The following KCNN2 variants were observed in gnomAD, a reference collection of about 807,000 sequenced individuals.
KCNN2 encodes the protein potassium calcium-activated channel subfamily N member 2.
A neutral mutation model predicts 55.5 loss-of-function variants in KCNN2; 24 were observed. That is an observed-to-expected ratio of 0.43 (90% confidence interval 0.31 to 0.61). The LOEUF is 0.61. Among genes scored for constraint, KCNN2 ranks in the 20% least tolerant of loss-of-function variants. KCNN2 has a pLI of 0.08. For synonymous variants in KCNN2, 431 were observed against 336.1 expected, an observed-to-expected ratio of 1.28 and a Z score of -3.09; for missense variants, 754 against 853.6, an observed-to-expected ratio of 0.88 and a Z score of 1.45.
intron 1 of KCNN2, among the ~76,000 whole-genome samples, chr5:114,078,834 C>G (rs904441464): frequency 2.6e-5 from 4 of 152,184 alleles, no homozygotes; most frequent in African/African-American, 9.7e-5. Flanking sequence ...GGAATCTAAA[C>G]TTGATACATC....
At chr5:114,078,789 A>G (rs1296885946) in intron 1 of KCNN2, among the ~76,000 whole-genome samples, 1 of 152,186 alleles carries the variant, frequency 6.6e-6, no homozygotes, top group African/African-American at 2.4e-5. Context: ...ATATAGAATT[A>G]GATCATACTG....
At chr5:114,119,394 A>C (rs1751782279) in intron 1 of KCNN2, among the ~76,000 whole-genome samples, 1 of 152,228 alleles carries the variant, frequency 6.6e-6, no homozygotes, top group African/African-American at 2.4e-5. Flanking sequence ...CTTCTTTTAG[A>C]TACGAAGCTT....
At chr5:114,111,876 G>T (rs924826602) in intron 1 of KCNN2, among the ~76,000 whole-genome samples, 7 of 152,174 alleles carry the variant, frequency 4.6e-5, no homozygotes, top group Non-Finnish European at 1.0e-4. Flanking sequence ...TTACACTGTT[G>T]GTGGGAGTGT....
chr5:114,067,230 T>C (rs1750470402), intron 1 of KCNN2, among the ~76,000 whole-genome samples: 2 of 152,302 alleles, frequency 1.3e-5, no homozygotes, highest in South Asian at 4.1e-4. Flanking sequence ...ATGGAGAGTC[T>C]CTGAAGTGTG....
intron 3 of KCNN2, among the ~76,000 whole-genome samples, chr5:114,420,763 C>A (rs1229240650): frequency 6.6e-6 from 1 of 152,198 alleles, no homozygotes. Flanking sequence ...ACTTTAATGG[C>A]ATGATAAGAA....
At position 114,206,058 on chromosome 5, in the gene KCNN2, A is replaced by G. The variant is rs147864695; in HGVS notation, c.-270-15422A>G. On this transcript the variant is annotated intron_variant, in intron 1 of 10. Coordinates refer to the KCNN2 transcript ENST00000512097. The stretch of plus-strand genomic sequence containing the variant: ...AAAAATTGATGTAGTTCTAAATGCT[A>G]GTTAGCAGGATTTTATTTTTCCCGT... 1.4e-4 allele frequency among the ~76,000 whole-genome samples: 21 copies of G among 152,340 alleles called. No homozygotes were observed. The East Asian group carries it at 3.9e-3, about 28-fold the overall frequency.
At chr5:114,309,832 T>C (rs1018438227) in intron 2 of KCNN2, among the ~76,000 whole-genome samples, 1 of 152,002 alleles carries the variant, frequency 6.6e-6, no homozygotes, top group Non-Finnish European at 1.5e-5. Flanking sequence ...AGGTGTGACA[T>C]TGGGAATGGG....
At chr5:114,272,278 C>T (rs978935287) in intron 2 of KCNN2, among the ~76,000 whole-genome samples, 4 of 53,488 alleles carry the variant, frequency 7.5e-5, no homozygotes, top group Non-Finnish European at 1.7e-4. Context: ...ATGTACATAT[C>T]ACACACACAT....
At chr5:114,229,703 A>T (rs1468622989) in intron 2 of KCNN2, among the ~76,000 whole-genome samples, 1 of 152,136 alleles carries the variant, frequency 6.6e-6, no homozygotes, top group Non-Finnish European at 1.5e-5. Flanking sequence ...AAAACAAAGG[A>T]AACCTTATTT....
chr5:114,312,420 CACACACACACACACATATATAT>C (rs1467783336), intron 2 of KCNN2, among the ~76,000 whole-genome samples: 735 of 67,216 alleles, frequency 0.011, 5 homozygotes, highest in Non-Finnish European at 0.014. Context: ...CACACACACA[CACACACACACACACATATATAT>C]ATATATATAT....
chr5:114,065,258 C>T (rs745930124), intron 1 of KCNN2, among the ~76,000 whole-genome samples: 2 of 152,140 alleles, frequency 1.3e-5, no homozygotes, highest in Admixed American at 6.5e-5. Flanking sequence ...GTTTCATTTC[C>T]TATTGATGAA....
intron 2 of KCNN2, among the ~76,000 whole-genome samples, chr5:114,365,312 A>G (rs1040699005): frequency 2.0e-5 from 3 of 152,230 alleles, no homozygotes; most frequent in African/African-American, 4.8e-5. Context: ...ATGAACACAC[A>G]TTTGAATTTT....
At chr5:114,117,957 C>G (rs13361592) in intron 1 of KCNN2, among the ~76,000 whole-genome samples, 2,554 of 152,206 alleles carry the variant, frequency 0.017, 78 homozygotes, top group African/African-American at 0.058. Context: ...TGGTTTGCCA[C>G]ATATCACAAA....
intron 2 of KCNN2, among the ~76,000 whole-genome samples, chr5:114,371,996 C>G (rs1310064138): frequency 6.6e-6 from 1 of 152,180 alleles, no homozygotes; most frequent in Non-Finnish European, 1.5e-5. Context: ...TTTACGTTTA[C>G]TAACCCTTTT....
At chr5:114,112,502 G>A (rs1159726267) in intron 1 of KCNN2, among the ~76,000 whole-genome samples, 1 of 151,778 alleles carries the variant, frequency 6.6e-6, no homozygotes, top group Admixed American at 6.6e-5. Context: ...AAATAAAAAG[G>A]CTTCTGGGTC....
At chr5:114,407,400 G>A (rs981585554) in intron 3 of KCNN2, among the ~76,000 whole-genome samples, 1 of 151,908 alleles carries the variant, frequency 6.6e-6, no homozygotes, top group Non-Finnish European at 1.5e-5. Flanking sequence ...TTAATTTCCA[G>A]TGTCTAATTT....
intron 1 of KCNN2, among the ~76,000 whole-genome samples, chr5:114,145,715 T>C (rs1752385727): frequency 6.6e-6 from 1 of 152,098 alleles, no homozygotes; most frequent in African/African-American, 2.4e-5. Flanking sequence ...CGTCCATCCA[T>C]ATCATGGCTC....
intron 1 of KCNN2, among the ~76,000 whole-genome samples, chr5:114,063,441 A>G (rs1272581685): frequency 1.3e-5 from 2 of 152,182 alleles, no homozygotes; most frequent in Non-Finnish European, 2.9e-5. Flanking sequence ...ATGGTTTTCA[A>G]AACACAGATT....
chr5:114,078,242 C>A (rs1394299846), intron 1 of KCNN2, among the ~76,000 whole-genome samples: 1 of 152,122 alleles, frequency 6.6e-6, no homozygotes, highest in African/African-American at 2.4e-5. Context: ...AGACTTGCAT[C>A]AGTGATTTAA....
Sources: allele counts gnomAD v4.1 joint callset (sites outside exome capture counted in the v4.1 genomes callset), GRCh38; gene constraint gnomAD v4.1.1; transcripts MANE v1.5; gene names NCBI Gene and HGNC (gene_info 2026-07-23, HGNC 2026-07-21).